ETV4: variants seen among roughly 807,000 people sequenced by gnomAD.
The protein encoded by ETV4 is ETS translocation variant 4.
Under a neutral mutation model 65.9 loss-of-function variants are expected in ETV4, and 42 were observed. That is an observed-to-expected ratio of 0.64 (90% confidence interval 0.50 to 0.82). The LOEUF (loss-of-function observed/expected upper bound fraction) is 0.82. ETV4 is among the 40% of genes least tolerant of loss of function. The pLI is 0.00. For synonymous variants in ETV4, 238 were observed against 260.0 expected (o/e 0.92, Z 0.81); for missense variants, 583 against 630.3 (o/e 0.92, Z 0.80).
At chr17:43,536,649 AT>A (rs1971258821) in intron 4 of ETV4, among the ~76,000 whole-genome samples, 170 bp from the exon 5 acceptor site, 2 of 152,392 alleles carry the variant, frequency 1.3e-5, no homozygotes, top group African/African-American at 2.4e-5. Flanking sequence ...AAATACACAA[AT>A]ACACTAACAC....
chr17:43,531,055 A>G (rs1358055714), intron 8 of ETV4, among the ~76,000 whole-genome samples: 1 of 152,140 alleles, frequency 6.6e-6, no homozygotes, highest in Non-Finnish European at 1.5e-5. Flanking sequence ...TCCTCTCCCC[A>G]GCTCACTGCC....
At chr17:43,532,209 T>TAA (rs1313239215) in intron 8 of ETV4, among the ~76,000 whole-genome samples, 4 of 152,144 alleles carry the variant, frequency 2.6e-5, no homozygotes, top group Non-Finnish European at 5.9e-5. Flanking sequence ...CATTGAAAAG[T>TAA]AATAATTTGT....
intron 11 of ETV4, 50 bp downstream of exon 11, chr17:43,529,454 C>G (rs1489070198): frequency 6.4e-7 from 1 of 1,569,780 alleles, no homozygotes; most frequent in African/African-American, 1.4e-5. Context: ...TCTCCCACCT[C>G]CAGGCTGTAA....
intron 8 of ETV4, chr17:43,530,411 A>C: frequency 8.5e-6 from 12 of 1,415,966 alleles, no homozygotes; most frequent in Non-Finnish European, 1.1e-5. Context: ...AGGCCATGGA[A>C]GGCAGCAGCG....
At chr17:43,529,106 C>CACCTT in intron 12 of ETV4, 29 bp downstream of exon 12, 1 of 1,607,932 alleles carries the variant, frequency 6.2e-7, no homozygotes, top group South Asian at 1.1e-5. Context: ...TGCCCCCCAC[C>CACCTT]ACCTTGTCCC....
chr17:43,544,506 G>A (rs1971697794), intron 4 of ETV4: 1 of 158,332 alleles, frequency 6.3e-6, no homozygotes, highest in African/African-American at 2.4e-5. Flanking sequence ...TGGTGCTGGG[G>A]GTTGGGAAGA....
chr17:43,538,654 C>T (rs1295476697), intron 4 of ETV4, among the ~76,000 whole-genome samples: 1 of 152,188 alleles, frequency 6.6e-6, no homozygotes, highest in Non-Finnish European at 1.5e-5. Context: ...CTCCCTTGAT[C>T]CCAGAGTCTT....
In ETV4 at chr17:43,545,934, CGTGTGTGTGTGT is replaced by C. The variant is rs531139204; in HGVS notation, c.-52+239_-52+250del. 332 of 263,354 alleles carry C rather than the reference CGTGTGTGTGTGT, an allele frequency of 1.3e-3. 3 individuals carry two copies. The highest frequency in any genetic ancestry group is 5.0e-3 in the South Asian group (140 of 27,854). 16.3% of individuals were successfully genotyped at this position (263,354 alleles called of 1,614,324 possible). A position where few individuals can be genotyped will look rare whatever the true frequency, so the allele number is the denominator to read the frequency against. On this transcript the variant is annotated intron_variant, in intron 1 of 12. Transcript: ENST00000319349. ...TTACCCGGGCTCGGTTACATAAGAACGTGTGTGTGTGTGTGTGTGTGTGTGTGTGTGTGTGTG... is the reference window on the plus strand; with the variant it reads ...TTACCCGGGCTCGGTTACATAAGAACGTGTGTGTGTGTGTGTGTGTGTGTG...
intron 4 of ETV4, among the ~76,000 whole-genome samples, chr17:43,541,820 C>T (rs952790556): frequency 3.9e-5 from 6 of 152,060 alleles, no homozygotes; most frequent in Non-Finnish European, 7.4e-5. Flanking sequence ...ACATATTTGT[C>T]CCCAAGAGTC....
At chr17:43,535,090 T>C (rs957696039) in intron 5 of ETV4, among the ~76,000 whole-genome samples, 11 of 152,190 alleles carry the variant, frequency 7.2e-5, no homozygotes, top group Admixed American at 7.2e-4. Context: ...GTTCCCAAAC[T>C]CTGGCCACGA....
At chr17:43,530,210 A>G in intron 8 of ETV4, 29 bp from the exon 9 acceptor site, 4 of 1,552,512 alleles carry the variant, frequency 2.6e-6, no homozygotes, top group Non-Finnish European at 3.5e-6. Context: ...TGATGTGAGA[A>G]GTGGCTTGGG....
intron 3 of ETV4, 64 bp downstream of exon 3, chr17:43,545,210 T>TGTGTGTGG: frequency 1.0e-6 from 1 of 967,672 alleles, no homozygotes; most frequent in Admixed American, 2.1e-5. Context: ...TGTGTGTGTG[T>TGTGTGTGG]GTGTGTGTGT....
At chr17:43,532,402 G>A (rs547206655) in intron 8 of ETV4, among the ~76,000 whole-genome samples, 1 of 152,194 alleles carries the variant, frequency 6.6e-6, no homozygotes, top group East Asian at 1.9e-4. Context: ...GGGAGGCTGA[G>A]GCACAAGAAT....
At chr17:43,533,029 C>T in intron 7 of ETV4, 90 bp from the exon 8 acceptor site, 1 of 1,510,082 alleles carries the variant, frequency 6.6e-7, no homozygotes, top group Non-Finnish European at 8.9e-7. Context: ...AGAGTGGGCT[C>T]CGGAATGGGG....
intron 4 of ETV4, chr17:43,544,442 C>T (rs972288596): frequency 6.5e-6 from 1 of 153,226 alleles, no homozygotes; most frequent in Non-Finnish European, 1.5e-5. Flanking sequence ...AAAGGACTGC[C>T]GAAAAGAATT....
chr17:43,536,359 C>T (rs1419865090), intron 5 of ETV4, 67 bp downstream of exon 5: 1 of 1,389,584 alleles, frequency 7.2e-7, no homozygotes, highest in Non-Finnish European at 1.0e-6. Flanking sequence ...TTGTGATTCT[C>T]TATCCTATGA....
intron 4 of ETV4, among the ~76,000 whole-genome samples, chr17:43,542,866 C>G (rs182138395): frequency 6.6e-6 from 1 of 152,248 alleles, no homozygotes; most frequent in African/African-American, 2.4e-5. Flanking sequence ...AGGTTGGGCT[C>G]TGGTCCCCTT....
At position 43,529,343 on chromosome 17, in the gene ETV4, G is replaced by A. The variant is rs12948553; in HGVS notation, c.1129-107C>T. 170,815 of 1,397,198 alleles carry A rather than the reference G, an allele frequency of 0.12. 11,175 individuals carry two copies. Among genetic ancestry groups the A allele is most frequent in the African/African-American group, 0.14 (10,193 of 70,540 alleles). The allele number at this position is 1,397,198 out of a possible 1,614,324, so 86.6% of individuals were successfully genotyped here. ...ATTCTTGGTGCAAAGTGCCAAGCTAGCTCTGCAACAAAGCATCAGCCCACA... is the reference window on the plus strand; with the variant it reads ...ATTCTTGGTGCAAAGTGCCAAGCTAACTCTGCAACAAAGCATCAGCCCACA... On this transcript the variant is annotated intron_variant, in intron 11 of 12. Transcript: ENST00000319349.
At chr17:43,535,923 CAACATGGTG>C (rs1320223381) in intron 5 of ETV4, among the ~76,000 whole-genome samples, 3 of 152,136 alleles carry the variant, frequency 2.0e-5, no homozygotes, top group African/African-American at 7.2e-5. Context: ...CCATCCTGGC[CAACATGGTG>C]AAACCCCATC....
Sources: gnomAD v4.1 joint callset for allele counts (sites outside exome capture counted in the v4.1 genomes callset) on GRCh38, gnomAD v4.1.1 for gene constraint, MANE v1.5 for transcripts, NCBI Gene and HGNC (gene_info 2026-07-23, HGNC 2026-07-21) for gene names.